Variants in ITPR2 observed in about 807,000 individuals in gnomAD.
The protein encoded by ITPR2 is inositol 1,4,5-trisphosphate-gated calcium channel ITPR2.
ITPR2 carries 207 observed loss-of-function variants against 317.1 expected under a neutral mutation model. That is an observed-to-expected ratio of 0.65 (90% confidence interval 0.58 to 0.73). ITPR2 has a LOEUF of 0.73. Among genes scored for constraint, ITPR2 ranks in the 30% least tolerant of loss-of-function variants. The probability of loss-of-function intolerance (pLI) is 0.00; values close to 1 mark genes in which losing one functional copy is unlikely to be tolerated. For synonymous variants in ITPR2, 1,156 were observed against 1,149.1 expected (o/e 1.01, Z -0.12); for missense variants, 2,613 against 3,284.0 (o/e 0.80, Z 4.99).
intron 32 of ITPR2, among the ~76,000 whole-genome samples, chr12:26,587,049 T>C (rs1347546787): frequency 2.0e-5 from 3 of 151,592 alleles, no homozygotes; most frequent in African/African-American, 4.8e-5. Flanking sequence ...AGTCTATTTC[T>C]GGCTATTCAT....
At chr12:26,715,498 CTCTT>C in intron 7 of ITPR2, 53 bp from the exon 8 acceptor site, 1 of 1,542,506 alleles carries the variant, frequency 6.5e-7, no homozygotes, top group East Asian at 2.3e-5. Flanking sequence ...AAGCAGGTGT[CTCTT>C]TCTGGTTTTG....
At chr12:26,682,328 TATGCTGCTACC>T (rs1948050192) in intron 12 of ITPR2, among the ~76,000 whole-genome samples, 1 of 152,202 alleles carries the variant, frequency 6.6e-6, no homozygotes, top group Non-Finnish European at 1.5e-5. Flanking sequence ...CCTCCATCCA[TATGCTGCTACC>T]ATTCTTTCTG....
At chr12:26,821,255 C>A (rs1950933788) in intron 1 of ITPR2, among the ~76,000 whole-genome samples, 2 of 152,238 alleles carry the variant, frequency 1.3e-5, no homozygotes, top group Admixed American at 6.5e-5. Flanking sequence ...CCATACCACA[C>A]TGCCCCAGCA....
At chr12:26,685,482 A>T (rs1948108490) in intron 11 of ITPR2, among the ~76,000 whole-genome samples, 1 of 152,142 alleles carries the variant, frequency 6.6e-6, no homozygotes, top group South Asian at 2.1e-4. Flanking sequence ...CTATAGTCCC[A>T]GCTACTCAGG....
intron 2 of ITPR2, among the ~76,000 whole-genome samples, chr12:26,774,282 G>A (rs1269625148): frequency 2.0e-5 from 3 of 151,982 alleles, no homozygotes; most frequent in Admixed American, 1.3e-4. Context: ...TTACATGCTC[G>A]GTAGTGGTAA....
intron 54 of ITPR2, among the ~76,000 whole-genome samples, chr12:26,394,501 AAG>A (rs1939936328): frequency 6.6e-6 from 1 of 152,120 alleles, no homozygotes; most frequent in Admixed American, 6.5e-5. Flanking sequence ...TCCCACAACT[AAG>A]AATACATGGA....
chr12:26,599,776 T>C (rs1945949019), intron 29 of ITPR2, among the ~76,000 whole-genome samples: 2 of 152,134 alleles, frequency 1.3e-5, no homozygotes, highest in Admixed American at 1.3e-4. Flanking sequence ...TAAAATACAT[T>C]GTCATTTGCA....
chr12:26,679,065 T>C (rs1947974178), intron 13 of ITPR2, among the ~76,000 whole-genome samples: 1 of 152,204 alleles, frequency 6.6e-6, no homozygotes, highest in South Asian at 2.1e-4. Flanking sequence ...CAAATAAAAA[T>C]TCCTATCTGC....
At chr12:26,588,416 C>T (rs772285448) in intron 32 of ITPR2, among the ~76,000 whole-genome samples, 1 of 152,140 alleles carries the variant, frequency 6.6e-6, no homozygotes, top group Non-Finnish European at 1.5e-5. Flanking sequence ...TTATAGAATA[C>T]TTTATACTTC....
intron 32 of ITPR2, among the ~76,000 whole-genome samples, chr12:26,594,973 G>A (rs1260683431): frequency 1.3e-5 from 2 of 152,306 alleles, no homozygotes; most frequent in East Asian, 3.9e-4. Context: ...AATGCCAGAT[G>A]ATTAAATTAC....
intron 54 of ITPR2, among the ~76,000 whole-genome samples, chr12:26,389,558 C>A (rs1282240812): frequency 2.6e-5 from 4 of 151,540 alleles, no homozygotes; most frequent in Admixed American, 2.6e-4. Context: ...CCTCTGGTTA[C>A]AAAACTCTTC....
Position 26,428,061 on chromosome 12 carries a change from A to G in ITPR2, c.6797T>C (p.Leu2266Pro). 6.2e-7 allele frequency: 1 copy of G among 1,605,900 alleles called. No homozygotes were observed. The highest frequency in any genetic ancestry group is 8.5e-7 in the Non-Finnish European group (1 of 1,177,212). ...EGTLSPLFSV[L>P]LWIAVAICTS... ...GCAGATCGCAACTGCTATCCAAAGA[A>G]GAACCGAGAACAATGGAGAAAGTGT... The change falls in exon 49 of 57, where the codon CTT becomes CCT. Residue 2266 changes from leucine to proline, a missense_variant. Physicochemically the swap from Leu to Pro is moderately conservative, Grantham distance 98. Around this residue, in one of 9 missense-constraint regions of ITPR2, gnomAD observed 926 missense variants for 1,072.8 expected, o/e 0.86. Coordinates refer to ENST00000381340, the MANE Select transcript of ITPR2 (RefSeq NM_002223.4).
At chr12:26,738,321 A>G (rs1484926742) in intron 2 of ITPR2, among the ~76,000 whole-genome samples, 1 of 152,082 alleles carries the variant, frequency 6.6e-6, no homozygotes, top group Non-Finnish European at 1.5e-5. Context: ...TAGAACAGTA[A>G]AATATTAAAG....
At chr12:26,553,476 G>A (rs1202786536) in intron 36 of ITPR2, among the ~76,000 whole-genome samples, 3 of 152,110 alleles carry the variant, frequency 2.0e-5, no homozygotes, top group African/African-American at 7.2e-5. Flanking sequence ...TTACCAGGAT[G>A]GTATGCACAG....
chr12:26,689,373 A>C (rs915829296), intron 10 of ITPR2, among the ~76,000 whole-genome samples: 1 of 152,048 alleles, frequency 6.6e-6, no homozygotes. Flanking sequence ...CCAAGATTGC[A>C]TCACTGCACT....
chr12:26,602,498 T>G lies in ITPR2; in HGVS notation c.3553-3A>C, dbSNP rs999487767. The G allele has an allele frequency of 5.0e-6, 8 of 1,608,328 alleles. No individual in the cohort carries two copies. The highest frequency in any genetic ancestry group is 6.8e-6 in the Non-Finnish European group (8 of 1,177,232). On this transcript the variant is annotated splice_polypyrimidine_tract_variant and splice_region_variant and intron_variant, in intron 27 of 56. Coordinates refer to ENST00000381340, the MANE Select transcript of ITPR2 (RefSeq NM_002223.4). ...AGTTTACTTAGCCTGATCAAAATCT[T>G]TAAAAGGAAGAGGGAAAGCATCAAA...
Position 26,621,154 on chromosome 12 carries a change from CT to C in ITPR2, c.3430del (p.Ser1144ValfsTer3). ...TGGCTCTTCACCACCTTTCACTTGA[CT>C]TTCCCCTATTTCTCCATTCTCATAG... ...SNYENGEIGE[S>X]QVKGGEEPIE... On this transcript the variant is annotated frameshift_variant, in exon 26 of 57. Coordinates refer to ENST00000381340, the MANE Select transcript of ITPR2 (RefSeq NM_002223.4). LOFTEE classifies it high-confidence loss of function. 6.2e-7 allele frequency: 1 copy of C among 1,613,670 alleles called. No individual in the cohort carries two copies. The highest frequency in any genetic ancestry group is 1.7e-5 in the Admixed American group (1 of 59,960).
chr12:26,724,689 C>G lies in ITPR2; in HGVS notation c.333G>C (p.Leu111Phe). The change falls in exon 4 of 57, where the codon TTG becomes TTC. Residue 111 changes from leucine (L) to phenylalanine (F), a missense_variant. Physicochemically the swap from Leu to Phe is conservative, Grantham distance 22 (BLOSUM62 0). This residue lies in a region of ITPR2 where 515 missense variants were observed against 789.4 expected (regional missense o/e 0.65). Transcript: ENST00000381340. ...CATTACTGTATTTTACAATTTCTCC[C>G]AACAGTTTCTTATTCTCCGATTCAT... is the stretch of plus-strand genomic sequence containing the variant. Reference protein sequence around the residue: ...KQNESENKKLLGEIVKYSNVI... With the variant: ...KQNESENKKLFGEIVKYSNVI... The G allele has an allele frequency of 6.2e-7, 1 of 1,604,024 alleles. No individual in the cohort carries two copies.
chr12:26,372,911 C>T (rs1206206781), intron 55 of ITPR2, among the ~76,000 whole-genome samples: 1 of 152,186 alleles, frequency 6.6e-6, no homozygotes, highest in African/African-American at 2.4e-5. Context: ...CGACCCCAGC[C>T]AGAATCACCA....
Sources: gnomAD v4.1 joint callset for allele counts (sites outside exome capture counted in the v4.1 genomes callset) on GRCh38, gnomAD v4.1.1 for gene constraint, gnomAD v4.1.1 regional missense constraint, MANE v1.5 for transcripts, NCBI Gene and HGNC (gene_info 2026-07-23, HGNC 2026-07-21) for gene names.